The following NEK11 variants were observed in gnomAD, a reference collection of about 807,000 sequenced individuals.
NEK11 encodes NIMA related kinase 11, also known as serine/threonine-protein kinase Nek11.
NEK11 carries 72 observed loss-of-function variants against 80.7 expected under a neutral mutation model. The ratio of observed to expected loss-of-function variants is 0.89; its 90% CI spans 0.74 to 1.08. The LOEUF is 1.08. NEK11 is among the 50% of genes least tolerant of loss of function. NEK11 has a pLI of 0.00. For missense variants in NEK11, 764 were observed against 763.6 expected, an observed-to-expected ratio of 1.00 and a Z score of -0.01; for synonymous variants, 251 against 260.7, an observed-to-expected ratio of 0.96 and a Z score of 0.36.
intron 16 of NEK11, among the ~76,000 whole-genome samples, chr3:131,272,463 C>CTTTTTTTCTTTT (rs2096211578): frequency 2.3e-5 from 1 of 43,884 alleles, no homozygotes; most frequent in Non-Finnish European, 4.1e-5. Context: ...GTTTTAGCTT[C>CTTTTTTTCTTTT]TTTTTTTTTT....
At position 131,132,857 on chromosome 3, in the gene NEK11, C is replaced by T. The variant is rs562185036; in HGVS notation, c.520+48C>T. ...TTCCAAAAACGCAGAACAGTATATT[C>T]TAGATATTATCATATCAAATTGAAG... On this transcript the variant is annotated intron_variant, in intron 6 of 17. Coordinates refer to ENST00000383366, the MANE Select transcript of NEK11 (RefSeq NM_024800.5). 27 of 806,432 alleles carry T rather than the reference C, an allele frequency of 3.3e-5. No homozygotes were observed. In the East Asian group the frequency reaches 7.4e-4, roughly 22 times the overall value. 50.0% of individuals were successfully genotyped at this position (806,432 alleles called of 1,614,324 possible).
At chr3:131,132,645 A>G in intron 5 of NEK11, 100 bp from the exon 6 acceptor site, 1 of 637,178 alleles carries the variant, frequency 1.6e-6, no homozygotes, top group Non-Finnish European at 2.8e-6. Context: ...GGGAGTATAT[A>G]TTTATGTGTA....
intron 17 of NEK11, among the ~76,000 whole-genome samples, chr3:131,337,292 A>T (rs758012817): frequency 1.3e-5 from 2 of 152,104 alleles, no homozygotes; most frequent in South Asian, 2.1e-4. Flanking sequence ...GCCATAAAAA[A>T]TGATGAGTTC....
chr3:131,133,855 A>T lies in NEK11; in HGVS notation c.546A>T (p.Leu182=). 4 of 1,612,380 alleles carry T rather than the reference A, an allele frequency of 2.5e-6. No individual in the cohort carries two copies. The highest frequency in any genetic ancestry group is 3.4e-6 in the Non-Finnish European group (4 of 1,178,882). Residue 182 remains leucine, a synonymous_variant, in exon 7 of 18, where the codon CTA becomes CTT. Coordinates refer to ENST00000383366, the MANE Select transcript of NEK11 (RefSeq NM_024800.5). The part of the protein sequence containing the change: ...KIGDFGVSRL[L]MGSCDLATTL... ...GAGATTTTGGAGTTTCTCGACTTCT[A>T]ATGGGATCCTGTGACCTGGCCACAA...
intron 3 of NEK11, among the ~76,000 whole-genome samples, chr3:131,073,832 A>T (rs1286851694): frequency 6.6e-6 from 1 of 152,162 alleles, no homozygotes; most frequent in African/African-American, 2.4e-5. Context: ...AACTGCCTGC[A>T]CATGCAATTC....
intron 5 of NEK11, among the ~76,000 whole-genome samples, chr3:131,110,814 G>A (rs572310415): frequency 1.5e-3 from 232 of 152,192 alleles, no homozygotes; most frequent in Non-Finnish European, 2.8e-3. Context: ...AAAGTAATCG[G>A]ATTATTCTGT....
chr3:131,236,348 C>A (rs1056008071), intron 15 of NEK11, among the ~76,000 whole-genome samples: 2 of 152,054 alleles, frequency 1.3e-5, no homozygotes, highest in Non-Finnish European at 2.9e-5. Flanking sequence ...GTAGGTGTTA[C>A]GTTGCCATTC....
intron 5 of NEK11, among the ~76,000 whole-genome samples, chr3:131,131,794 T>C (rs2084529659): frequency 6.6e-6 from 1 of 152,094 alleles, no homozygotes; most frequent in African/African-American, 2.4e-5. Context: ...GAAGCTTAGA[T>C]AACTGATTTT....
At chr3:131,033,007 A>G (rs1343686212) in intron 3 of NEK11, among the ~76,000 whole-genome samples, 3 of 152,214 alleles carry the variant, frequency 2.0e-5, no homozygotes, top group African/African-American at 7.2e-5. Context: ...GAAACCAGGC[A>G]TGTAATTTAA....
intron 9 of NEK11, among the ~76,000 whole-genome samples, chr3:131,154,685 C>G (rs1243902670): frequency 1.3e-5 from 2 of 152,148 alleles, no homozygotes; most frequent in African/African-American, 4.8e-5. Context: ...TTGCCTAAAC[C>G]TTGCACTGGC....
At chr3:131,345,969 T>TAAA (rs959547510) in intron 17 of NEK11, among the ~76,000 whole-genome samples, 2 of 143,956 alleles carry the variant, frequency 1.4e-5, no homozygotes, top group Non-Finnish European at 3.1e-5. Flanking sequence ...ATGGAATATT[T>TAAA]AAAAAAAAAA....
chr3:131,336,317 T>C (rs7638259), intron 17 of NEK11, among the ~76,000 whole-genome samples: 1 of 151,984 alleles, frequency 6.6e-6, no homozygotes, highest in Non-Finnish European at 1.5e-5. Context: ...AACGCCGCAT[T>C]TCTACAACTA....
intron 17 of NEK11, among the ~76,000 whole-genome samples, chr3:131,331,651 G>A (rs1030444394): frequency 5.9e-5 from 9 of 152,206 alleles, no homozygotes; most frequent in Non-Finnish European, 7.4e-5. Flanking sequence ...CCGAAGCAGG[G>A]CGAGCAAGGC....
At chr3:131,332,840 T>G (rs1029318859) in intron 17 of NEK11, among the ~76,000 whole-genome samples, 1 of 152,198 alleles carries the variant, frequency 6.6e-6, no homozygotes, top group African/African-American at 2.4e-5. Flanking sequence ...CAGGAGCCGA[T>G]GCAATCGACT....
chr3:131,205,717 G>A (rs2094422997), intron 14 of NEK11, among the ~76,000 whole-genome samples: 1 of 152,136 alleles, frequency 6.6e-6, no homozygotes, highest in Non-Finnish European at 1.5e-5. Flanking sequence ...CTAGAGCTCT[G>A]GGGGATTAAG....
In NEK11 at chr3:131,156,393, A is replaced by G. The variant is rs544447822; in HGVS notation, c.962+1272A>G. Among the ~76,000 whole-genome samples the G allele has an allele frequency of 2.6e-5, 4 of 152,298 alleles. No homozygotes were observed. In the South Asian group the frequency reaches 8.3e-4, roughly 32 times the overall value. On this transcript the variant is annotated intron_variant, in intron 10 of 17. Transcript: ENST00000383366. ...TTGGGTGTGAAAGGTCTTCTATAGT[A>G]TTGGGTCCTAACCAAGTCAGGAAGA...
At chr3:131,050,664 A>T (rs938710517) in intron 3 of NEK11, among the ~76,000 whole-genome samples, 1 of 152,176 alleles carries the variant, frequency 6.6e-6, no homozygotes, top group African/African-American at 2.4e-5. Flanking sequence ...TATTTTATTT[A>T]TTTATTAGAC....
At position 131,310,221 on chromosome 3, in the gene NEK11, C is replaced by T. The variant is rs182773047; in HGVS notation, c.1718+36647C>T. 2.0e-5 allele frequency among the ~76,000 whole-genome samples: 3 copies of T among 151,892 alleles called. No homozygotes were observed. In the East Asian group the frequency reaches 5.8e-4, roughly 29 times the overall value. ...TAAAAAGTATTTATTCTCTATTGTA[C>T]CCTTGAGTCTCCAAAAGTTTGCTCA... On this transcript the variant is annotated intron_variant, in intron 17 of 17. Transcript: ENST00000383366.
intron 5 of NEK11, among the ~76,000 whole-genome samples, chr3:131,114,338 G>A (rs145035709): frequency 1.1e-3 from 174 of 151,718 alleles, no homozygotes; most frequent in African/African-American, 4.0e-3. Flanking sequence ...CTTTGAGAAC[G>A]TAGCACTAAA....
Sources: gnomAD v4.1 joint callset for allele counts (sites outside exome capture counted in the v4.1 genomes callset) on GRCh38, gnomAD v4.1.1 for gene constraint, MANE v1.5 for transcripts, NCBI Gene and HGNC (gene_info 2026-07-23, HGNC 2026-07-21) for gene names.